The following LDB2 variants were observed in gnomAD, a reference collection of about 807,000 sequenced individuals.
LDB2 encodes LIM domain binding 2, also known as LIM domain-binding protein 2.
LDB2 carries 12 observed loss-of-function variants against 44.3 expected under a neutral mutation model. That is an observed-to-expected ratio of 0.27 (90% confidence interval 0.17 to 0.44). LDB2 has a LOEUF of 0.44. Among genes scored for constraint, LDB2 ranks in the 20% least tolerant of loss-of-function variants. LDB2 has a pLI of 1.00. For missense variants in LDB2, 344 were observed against 473.5 expected (o/e 0.73, Z 2.54); for synonymous variants, 164 against 174.8 (o/e 0.94, Z 0.49).
chr4:16,751,048 G>A (rs537565464), intron 2 of LDB2: 89 of 152,244 alleles, frequency 5.8e-4, no homozygotes, highest in African/African-American at 1.9e-3. Context: ...GGAAATGCAC[G>A]TGCCAGGACT....
intron 5 of LDB2, among the ~76,000 whole-genome samples, chr4:16,542,397 G>C (rs1300203481): frequency 6.6e-6 from 1 of 152,188 alleles, no homozygotes; most frequent in African/African-American, 2.4e-5. Context: ...AGGATAGCAG[G>C]TTTGATGGAG....
At chr4:16,849,505 A>G (rs960437075) in intron 1 of LDB2, among the ~76,000 whole-genome samples, 6 of 152,212 alleles carry the variant, frequency 3.9e-5, no homozygotes, top group Admixed American at 1.3e-4. Context: ...ACCACATTCC[A>G]TGCAGCAAGA....
intron 4 of LDB2, among the ~76,000 whole-genome samples, chr4:16,587,569 A>AAC (rs1322746982): frequency 6.7e-6 from 1 of 149,004 alleles, no homozygotes; most frequent in Non-Finnish European, 1.5e-5. Flanking sequence ...TTGGAGCATA[A>AAC]ACAGCCAGAA....
chr4:16,674,583 T>C (rs1745750768), intron 2 of LDB2, among the ~76,000 whole-genome samples: 1 of 152,176 alleles, frequency 6.6e-6, no homozygotes, highest in South Asian at 2.1e-4. Context: ...ACTGAGAAGT[T>C]ATACAGCTGC....
Position 16,502,888 on chromosome 4 carries a change from T to G in LDB2, c.892-15A>C, listed in dbSNP as rs1485894044. ...ACCATCACATCCTGTGAACAGCAGC[T>G]GACATTATTACAGGGAAACCTTGGG... On this transcript the variant is annotated splice_polypyrimidine_tract_variant and intron_variant, in intron 7 of 7. Transcript: ENST00000304523. 1.9e-6 allele frequency: 3 copies of G among 1,612,642 alleles called. No homozygotes were observed. The highest frequency in any genetic ancestry group is 2.5e-6 in the Non-Finnish European group (3 of 1,178,844).
At chr4:16,659,934 A>C (rs559411511) in intron 2 of LDB2, among the ~76,000 whole-genome samples, 1 of 152,212 alleles carries the variant, frequency 6.6e-6, no homozygotes, top group Non-Finnish European at 1.5e-5. Context: ...AGTGCTACCA[A>C]AACACAATTA....
At chr4:16,784,178 T>G (rs1773901851) in intron 1 of LDB2, among the ~76,000 whole-genome samples, 1 of 152,110 alleles carries the variant, frequency 6.6e-6, no homozygotes, top group Non-Finnish European at 1.5e-5. Flanking sequence ...TAGGCAAAAG[T>G]GATCCACATA....
intron 2 of LDB2, among the ~76,000 whole-genome samples, chr4:16,719,527 CT>C (rs1474948708): frequency 2.0e-5 from 3 of 152,034 alleles, no homozygotes; most frequent in African/African-American, 7.2e-5. Flanking sequence ...CCCATTCATC[CT>C]TTTGAAGATG....
At chr4:16,585,819 A>G in intron 5 of LDB2, 103 bp downstream of exon 5, 1 of 779,694 alleles carries the variant, frequency 1.3e-6, no homozygotes, top group East Asian at 2.6e-5. Context: ...AGACACTGCT[A>G]TATCACCAGT....
At chr4:16,889,287 A>ATAT (rs1371071654) in intron 1 of LDB2, 2 of 152,260 alleles carry the variant, frequency 1.3e-5, no homozygotes, top group African/African-American at 4.8e-5. Flanking sequence ...ATCATGATTC[A>ATAT]TACCGTAATT....
chr4:16,852,575 T>A (rs572645055), intron 1 of LDB2, among the ~76,000 whole-genome samples: 22 of 152,354 alleles, frequency 1.4e-4, no homozygotes, highest in South Asian at 8.3e-4. Context: ...ATATATAGCA[T>A]GAATAAGTTC....
intron 5 of LDB2, among the ~76,000 whole-genome samples, chr4:16,553,410 C>T (rs1223422731): frequency 6.6e-6 from 1 of 152,196 alleles, no homozygotes. Flanking sequence ...ACTCCTCCCA[C>T]CTCGGCCTTC....
At chr4:16,866,255 A>C (rs1177443111) in intron 1 of LDB2, among the ~76,000 whole-genome samples, 1 of 152,246 alleles carries the variant, frequency 6.6e-6, no homozygotes, top group Non-Finnish European at 1.5e-5. Flanking sequence ...ACAAAGTAGC[A>C]CACCTCACTT....
intron 5 of LDB2, among the ~76,000 whole-genome samples, chr4:16,535,454 A>G (rs928707742): frequency 6.6e-6 from 1 of 152,202 alleles, no homozygotes; most frequent in Non-Finnish European, 1.5e-5. Context: ...TTGAGTGTCC[A>G]CATTCTGTGT....
chr4:16,771,124 C>A (rs1327469654), intron 1 of LDB2, among the ~76,000 whole-genome samples: 1 of 152,016 alleles, frequency 6.6e-6, no homozygotes, highest in African/African-American at 2.4e-5. Context: ...AATAGTTGAT[C>A]AAATGACAAG....
rs745349606 is a variant in LDB2, at chr4:16,512,027, C to G, written c.693G>C (p.Leu231=). 10 of 1,613,634 alleles carry G rather than the reference C, an allele frequency of 6.2e-6. No homozygotes were observed. The East Asian group carries it at 1.8e-4, about 29-fold the overall frequency. ...KTYNLSPRDC[L]KTCLFQKWQR... The stretch of plus-strand genomic sequence containing the variant: ...GCCACTTCTGAAACAAGCAGGTCTT[C>G]AGGCAGTCTCGGGGACTGAGGTTGT... Residue 231 remains leucine, a synonymous_variant, in exon 6 of 8, where the codon CTG becomes CTC. Coordinates refer to ENST00000304523, the MANE Select transcript of LDB2 (RefSeq NM_001290.5).
At chr4:16,704,003 C>T (rs924164710) in intron 2 of LDB2, among the ~76,000 whole-genome samples, 6 of 152,238 alleles carry the variant, frequency 3.9e-5, no homozygotes, top group South Asian at 2.1e-4. Context: ...GGACTGTTAT[C>T]GGGTGCCCCT....
At chr4:16,507,460 G>A (rs1301728696) in intron 7 of LDB2, among the ~76,000 whole-genome samples, 4 of 152,096 alleles carry the variant, frequency 2.6e-5, no homozygotes, top group East Asian at 1.9e-4. Context: ...ATCCCTGTGC[G>A]AAGGTCCACT....
intron 5 of LDB2, among the ~76,000 whole-genome samples, chr4:16,540,386 A>T (rs1733364666): frequency 6.6e-6 from 1 of 152,172 alleles, no homozygotes; most frequent in Admixed American, 6.5e-5. Context: ...GACTTTACAA[A>T]GCAAAAATGT....
Sources: allele counts gnomAD v4.1 joint callset (sites outside exome capture counted in the v4.1 genomes callset), GRCh38; gene constraint gnomAD v4.1.1; transcripts MANE v1.5; gene names NCBI Gene and HGNC (gene_info 2026-07-23, HGNC 2026-07-21).